NACC2: variants seen among roughly 807,000 people sequenced by gnomAD.
The protein encoded by NACC2 is NACC family member 2.
NACC2 carries 8 observed loss-of-function variants against 25.1 expected under a neutral mutation model. The ratio of observed to expected loss-of-function variants is 0.32; its 90% CI spans 0.19 to 0.57. The LOEUF (loss-of-function observed/expected upper bound fraction) is 0.57, where lower values mean the gene tolerates loss of function less well. Ranked by LOEUF, NACC2 falls within the 20% of genes least tolerant of loss-of-function variation. The pLI, the probability that NACC2 is intolerant of heterozygous loss-of-function variation, is 0.89. For missense variants in NACC2, 644 were observed against 650.2 expected (o/e 0.99, Z 0.10); for synonymous variants, 435 against 294.7 (o/e 1.48, Z -4.88).
At chr9:136,048,885 G>A (rs1007795063) in intron 2 of NACC2, among the ~76,000 whole-genome samples, 15 of 152,338 alleles carry the variant, frequency 9.8e-5, no homozygotes, top group African/African-American at 2.9e-4. Flanking sequence ...CCACCTGCCC[G>A]TGGCTGGCAT....
Position 136,010,451 on chromosome 9 carries a change from G to A in NACC2, c.*1065C>T, listed in dbSNP as rs4842071. ...CTTCACACGTACTAGTCGCCCACCC[G>A]GGACCCCCTTTTTCCCCCAGTGGGA... On this transcript the variant is annotated 3_prime_UTR_variant, in exon 6 of 6. Transcript: ENST00000277554. This position sits in a 1 kb window ranked among gnomAD's most constrained non-coding sequence, Gnocchi z 4.9. 0.12 allele frequency: 18,674 copies of A among 152,216 alleles called. 1,486 individuals carry two copies. Among genetic ancestry groups the A allele is most frequent in the African/African-American group, 0.21 (8,629 of 41,484 alleles). 9.4% of individuals were successfully genotyped at this position (152,216 alleles called of 1,614,324 possible).
rs3811130 is a variant in NACC2 at position 136,009,810 on chromosome 9, C to T, written c.*1706G>A. ...GGTTGGGGGAGTGGGGTGCGCTGGT[C>T]GGCCACCGCTCACTGGCCTGTGTGC... On this transcript the variant is annotated 3_prime_UTR_variant, in exon 6 of 6. Transcript: ENST00000277554. 0.24 allele frequency: 37,083 copies of T among 151,710 alleles called. 5,726 individuals are homozygous for T. The highest frequency in any genetic ancestry group is 0.34 in the Non-Finnish European group (23,407 of 68,022). The allele number at this position is 151,710 out of a possible 1,614,324, so 9.4% of individuals were successfully genotyped here. A position where few individuals can be genotyped will look rare whatever the true frequency, so the allele number is the denominator to read the frequency against.
In NACC2 at chr9:136,040,053, A is replaced by T. The variant is rs1386442839; in HGVS notation, c.886+9583T>A. Among the ~76,000 whole-genome samples the T allele has an allele frequency of 3.9e-5, 6 of 152,308 alleles. No homozygotes were observed. The East Asian group carries it at 1.2e-3, about 29-fold the overall frequency. On this transcript the variant is annotated intron_variant, in intron 2 of 5. Coordinates refer to ENST00000277554, the MANE Select transcript of NACC2 (RefSeq NM_144653.5). ...TACAAGGTCAACATACAAAGAAACC[A>T]ACTTTATTCCAGCTGGGCACAGGGG...
chr9:136,090,844 C>G (rs888506756), intron 1 of NACC2, among the ~76,000 whole-genome samples: 6 of 147,936 alleles, frequency 4.1e-5, no homozygotes, highest in Non-Finnish European at 1.5e-5. Context: ...CAGCCCTGGG[C>G]TTGGGAGGCA....
At chr9:136,033,796 G>A (rs1162037458) in intron 2 of NACC2, among the ~76,000 whole-genome samples, 1 of 151,540 alleles carries the variant, frequency 6.6e-6, no homozygotes, top group Non-Finnish European at 1.5e-5. Flanking sequence ...ACAGAAGGAT[G>A]TACCACGCCC....
At position 136,086,724 on chromosome 9, in the gene NACC2, G is replaced by A. The variant is rs572040172; in HGVS notation, c.-60+8465C>T. Among the ~76,000 whole-genome samples, 3 of 152,256 alleles carry A rather than the reference G, an allele frequency of 2.0e-5. No individual in the cohort carries two copies. The South Asian group carries it at 6.2e-4, about 32-fold the overall frequency. ...AAAACCCTCCCCGACCAGTGGCCCCGTTTCCCTCCCACGACCCCCGCTCAG... is the reference window on the plus strand; with the variant it reads ...AAAACCCTCCCCGACCAGTGGCCCCATTTCCCTCCCACGACCCCCGCTCAG... On this transcript the variant is annotated intron_variant, in intron 1 of 5. Coordinates refer to ENST00000277554, the MANE Select transcript of NACC2 (RefSeq NM_144653.5). This position sits in a 1 kb window ranked among gnomAD's most constrained non-coding sequence, Gnocchi z 5.6.
chr9:136,013,095 C>G lies in NACC2; in HGVS notation c.1255+104G>C. The G allele has an allele frequency of 1.1e-6, 1 of 901,180 alleles. No homozygotes were observed. Among genetic ancestry groups the G allele is most frequent in the Non-Finnish European group, 1.7e-6 (1 of 579,768 alleles). 55.8% of individuals were successfully genotyped at this position (901,180 alleles called of 1,614,324 possible). A position where few individuals can be genotyped will look rare whatever the true frequency, so the allele number is the denominator to read the frequency against. On this transcript the variant is annotated intron_variant, in intron 5 of 5. Coordinates refer to ENST00000277554, the MANE Select transcript of NACC2 (RefSeq NM_144653.5). The surrounding 1 kb of genome is among the most constrained non-coding windows in gnomAD (Gnocchi z 6.6). ...CATGCTCGGCCCCCAGGGACGGAAG[C>G]TGCAGGTGGCCGGGAGCACCCCCGC...
chr9:136,040,030 C>A (rs1840604516), intron 2 of NACC2, among the ~76,000 whole-genome samples: 1 of 152,140 alleles, frequency 6.6e-6, no homozygotes, highest in African/African-American at 2.4e-5. Flanking sequence ...TTGTAGAATA[C>A]AAGGTCAACA....
Position 136,055,940 on chromosome 9 carries a change from C to A in NACC2, c.-59-5360G>T, listed in dbSNP as rs1173995825. On this transcript the variant is annotated intron_variant, in intron 1 of 5. Coordinates refer to ENST00000277554, the MANE Select transcript of NACC2 (RefSeq NM_144653.5). This position sits in a 1 kb window ranked among gnomAD's most constrained non-coding sequence, Gnocchi z 4.9. Reference sequence around the variant, plus strand: ...CCTGCTGTGCCAGGTGCTCTGGAGTCAGCAGGAGCACAGGGGGTGTTAGGA... The same window carrying A: ...CCTGCTGTGCCAGGTGCTCTGGAGTAAGCAGGAGCACAGGGGGTGTTAGGA... Among the ~76,000 whole-genome samples the A allele has an allele frequency of 6.6e-6, 1 of 152,202 alleles. No individual in the cohort carries two copies. The highest frequency in any genetic ancestry group is 1.5e-5 in the Non-Finnish European group (1 of 68,028).
chr9:136,038,835 G>A (rs1588566757), intron 2 of NACC2, among the ~76,000 whole-genome samples: 1 of 152,228 alleles, frequency 6.6e-6, no homozygotes, highest in East Asian at 1.9e-4. Context: ...GCGGTCTAGA[G>A]CAATTGCTAA....
intron 1 of NACC2, among the ~76,000 whole-genome samples, chr9:136,081,446 C>A (rs548169211): frequency 6.6e-6 from 1 of 152,256 alleles, no homozygotes; most frequent in African/African-American, 2.4e-5. Context: ...AGCACTCGGA[C>A]CTGCTCTCTG....
chr9:136,063,781 G>GCTA, intron 1 of NACC2, among the ~76,000 whole-genome samples: 1 of 151,776 alleles, frequency 6.6e-6, no homozygotes, highest in Non-Finnish European at 1.5e-5. Flanking sequence ...TACTCAGGAG[G>GCTA]CTGAGGTAGG....
chr9:136,047,440 G>A (rs1179998319), intron 2 of NACC2, among the ~76,000 whole-genome samples: 1 of 152,238 alleles, frequency 6.6e-6, no homozygotes, highest in Non-Finnish European at 1.5e-5. Flanking sequence ...CCCAGACTGT[G>A]GCATCCAGAG....
At chr9:136,030,589 G>A (rs1375027987) in intron 2 of NACC2, among the ~76,000 whole-genome samples, 2 of 151,322 alleles carry the variant, frequency 1.3e-5, no homozygotes, top group Non-Finnish European at 2.9e-5. Flanking sequence ...CAGCCTGGGC[G>A]ACAGAGCAAG....
At chr9:136,091,073 T>C (rs1194244322) in intron 1 of NACC2, among the ~76,000 whole-genome samples, 1 of 152,126 alleles carries the variant, frequency 6.6e-6, no homozygotes, top group Non-Finnish European at 1.5e-5. Context: ...GGAGCCAGCC[T>C]CTCCTCCCTG....
rs942237535 is a variant in NACC2 at position 136,025,614 on chromosome 9, T to TA, written c.887-9186dup. Among the ~76,000 whole-genome samples the TA allele has an allele frequency of 3.6e-3, 499 of 139,010 alleles. 1 individual carries two copies. Among genetic ancestry groups the TA allele is most frequent in the Middle Eastern group, 0.015 (4 of 274 alleles). The allele number at this position is 139,010 out of a possible 152,430, so 91.2% of individuals were successfully genotyped here. On this transcript the variant is annotated intron_variant, in intron 2 of 5. Coordinates refer to ENST00000277554, the MANE Select transcript of NACC2 (RefSeq NM_144653.5). The stretch of plus-strand genomic sequence containing the variant: ...ATCAACAAAAGGGATTAAGTCCTAT[T>TA]AAAAAAAAAAAAAACGCAGCCGGGC...
At chr9:136,073,585 G>A (rs569544929) in intron 1 of NACC2, among the ~76,000 whole-genome samples, 6 of 152,204 alleles carry the variant, frequency 3.9e-5, no homozygotes, top group Non-Finnish European at 5.9e-5. Context: ...AATTGGTCTC[G>A]AATGCCAAAG....
intron 1 of NACC2, among the ~76,000 whole-genome samples, chr9:136,085,322 AT>A (rs1564244190): frequency 6.6e-6 from 1 of 151,358 alleles, no homozygotes; most frequent in African/African-American, 2.4e-5. Flanking sequence ...ACCCAAAAAA[AT>A]TTTTTTAATT....
At chr9:136,073,587 A>C (rs188354849) in intron 1 of NACC2, among the ~76,000 whole-genome samples, 1 of 152,292 alleles carries the variant, frequency 6.6e-6, no homozygotes, top group Admixed American at 6.5e-5. Flanking sequence ...TTGGTCTCGA[A>C]TGCCAAAGAG....
Sources: gnomAD v4.1 joint callset for allele counts (sites outside exome capture counted in the v4.1 genomes callset) on GRCh38, gnomAD v4.1.1 for gene constraint, Gnocchi (gnomAD v3.1) non-coding constraint, MANE v1.5 for transcripts, NCBI Gene and HGNC (gene_info 2026-07-23, HGNC 2026-07-21) for gene names.